CCDC158: variants seen among roughly 807,000 people sequenced by gnomAD.
CCDC158 encodes coiled-coil domain-containing protein 158.
In CCDC158, 116 loss-of-function variants were observed where a neutral mutation model predicts 138.6. The observed-to-expected ratio is 0.84, with a 90% CI of 0.72 to 0.98. The LOEUF (loss-of-function observed/expected upper bound fraction) is 0.98, where lower values mean the gene tolerates loss of function less well. Among genes scored for constraint, CCDC158 ranks in the 50% least tolerant of loss-of-function variants. The probability of loss-of-function intolerance (pLI) is 0.00; values close to 1 mark genes in which losing one functional copy is unlikely to be tolerated. For synonymous variants in CCDC158, 436 were observed against 442.4 expected, an observed-to-expected ratio of 0.99 and a Z score of 0.18; for missense variants, 1,265 against 1,306.1, an observed-to-expected ratio of 0.97 and a Z score of 0.48.
chr4:76,388,884 CA>C (rs1202597264), intron 4 of CCDC158, among the ~76,000 whole-genome samples: 1 of 152,058 alleles, frequency 6.6e-6, no homozygotes, highest in African/African-American at 2.4e-5. Flanking sequence ...AGAATTCTTC[CA>C]GATCTTATCC....
At chr4:76,328,371 G>GTATGTGAGAAGA (rs1360616616) in intron 22 of CCDC158, among the ~76,000 whole-genome samples, 2 of 152,268 alleles carry the variant, frequency 1.3e-5, no homozygotes, top group African/African-American at 4.8e-5. Flanking sequence ...GGGTGACACA[G>GTATGTGAGAAGA]TATGTGAGAA....
intron 9 of CCDC158, among the ~76,000 whole-genome samples, chr4:76,371,984 T>G (rs1245465986): frequency 3.3e-5 from 5 of 151,702 alleles, no homozygotes; most frequent in South Asian, 2.1e-4. Context: ...TTGTAAAGTT[T>G]TTTTTTTTTT....
At chr4:76,415,877 C>T (rs1208955517) in intron 1 of CCDC158, among the ~76,000 whole-genome samples, 6 of 152,226 alleles carry the variant, frequency 3.9e-5, no homozygotes, top group South Asian at 2.1e-4. Context: ...CTTAGCAGAC[C>T]GGGAAAGGGA....
chr4:76,396,384 T>G lies in CCDC158; in HGVS notation c.173A>C (p.Glu58Ala). ...TTTTCTAGGAGAATCAAGTTCCACT[T>G]CATATTTAGGGAAAAAAGGAACCTG... ...LTQVPFFPKY[E>A]VELDSPRKII... The change falls in exon 4 of 25, where the codon GAA (glutamate) becomes GCA (alanine). Residue 58 changes from glutamate to alanine, a missense_variant. Glu to Ala is a moderately radical substitution (Grantham distance 107, BLOSUM62 -1). Coordinates refer to ENST00000682701, the MANE Select transcript of CCDC158 (RefSeq NM_001394954.1). 1 of 1,613,982 alleles carries G rather than the reference T, an allele frequency of 6.2e-7. No individual in the cohort carries two copies. Among genetic ancestry groups the G allele is most frequent in the Non-Finnish European group, 8.5e-7 (1 of 1,179,882 alleles).
chr4:76,334,227 C>A, intron 18 of CCDC158, 60 bp from the exon 19 acceptor site: 2 of 1,406,268 alleles, frequency 1.4e-6, no homozygotes, highest in Admixed American at 2.4e-5. Context: ...TATTTCCTAT[C>A]ACAAAATTAA....
chr4:76,389,771 A>C (rs1026104406), intron 4 of CCDC158, among the ~76,000 whole-genome samples: 4 of 152,228 alleles, frequency 2.6e-5, no homozygotes, highest in Admixed American at 2.0e-4. Flanking sequence ...CAGGCTTTTC[A>C]GTGGAAACCT....
rs372958633 is a variant in CCDC158 at position 76,369,464 on chromosome 4, C to T, written c.1309G>A (p.Ala437Thr). 6.2e-7 allele frequency: 1 copy of T among 1,614,060 alleles called. No individual in the cohort carries two copies. The highest frequency in any genetic ancestry group is 1.3e-5 in the African/African-American group (1 of 74,936). The change falls in exon 11 of 25, where the codon GCC becomes ACC. Residue 437 changes from alanine (A) to threonine (T), a missense_variant. Ala to Thr is a moderately conservative substitution (Grantham distance 58). Transcript: ENST00000682701. ...TGGCCCTGACACTCGCTCTTCAAGGCCTTGAGCAGGGCTTCCAGGCGCTGC... is the reference window on the plus strand; with the variant it reads ...TGGCCCTGACACTCGCTCTTCAAGGTCTTGAGCAGGGCTTCCAGGCGCTGC... Reference protein sequence around the residue: ...EVQRLEALLKALKSECQGQME... With the variant: ...EVQRLEALLKTLKSECQGQME...
At chr4:76,334,997 T>TCAAGAGGGG (rs1721343130) in intron 18 of CCDC158, among the ~76,000 whole-genome samples, 1 of 152,200 alleles carries the variant, frequency 6.6e-6, no homozygotes. Flanking sequence ...ACTCCACTAA[T>TCAAGAGGGG]AAACCAATAT....
At chr4:76,322,461 G>T (rs1033809698) in intron 24 of CCDC158, among the ~76,000 whole-genome samples, 6 of 152,138 alleles carry the variant, frequency 3.9e-5, no homozygotes, top group Non-Finnish European at 7.3e-5. Flanking sequence ...TGAAGAAAAC[G>T]CAAGTGAAGC....
intron 4 of CCDC158, among the ~76,000 whole-genome samples, chr4:76,391,647 C>T (rs1477550424): frequency 6.7e-6 from 1 of 150,326 alleles, no homozygotes; most frequent in Non-Finnish European, 1.5e-5. Context: ...CAAACTGAAC[C>T]CAAAATTAGT....
Position 76,326,032 on chromosome 4 carries a change from A to T in CCDC158, c.3011-17T>A, listed in dbSNP as rs762992719. 1.9e-6 allele frequency: 3 copies of T among 1,600,346 alleles called. No homozygotes were observed. The African/African-American group carries it at 4.0e-5, about 22-fold the overall frequency. On this transcript the variant is annotated splice_polypyrimidine_tract_variant and intron_variant, in intron 22 of 24. Coordinates refer to ENST00000682701, the MANE Select transcript of CCDC158 (RefSeq NM_001394954.1). ...ATGGACTTGCTAAAAGTTTGCAAGAATAAAAGTAAAAGGACAGAATTAATT... is the reference window on the plus strand; with the variant it reads ...ATGGACTTGCTAAAAGTTTGCAAGATTAAAAGTAAAAGGACAGAATTAATT...
At chr4:76,320,306 G>A (rs1719879422) in intron 24 of CCDC158, among the ~76,000 whole-genome samples, 1 of 152,120 alleles carries the variant, frequency 6.6e-6, no homozygotes, top group Non-Finnish European at 1.5e-5. Flanking sequence ...ACACACAAAT[G>A]GAAACACATT....
intron 24 of CCDC158, among the ~76,000 whole-genome samples, chr4:76,319,471 T>A (rs1484887108): frequency 3.2e-3 from 36 of 11,360 alleles, no homozygotes; most frequent in African/African-American, 6.9e-3. Flanking sequence ...AAAAAATATA[T>A]ATATATATAT....
Position 76,355,360 on chromosome 4 carries a change from T to A in CCDC158, c.2250A>T (p.Ile750=), listed in dbSNP as rs1578953753. ...TTGTCATTGCCTCTTCCAAAAACTG[T>A]ATCTTGCTCTGAAGGGCATCTATCT... ...RGQIDALQSK[I]QFLEEAMTNA... The change falls in exon 15 of 25, where the codon ATA becomes ATT. Residue 750 remains isoleucine, a synonymous_variant. Transcript: ENST00000682701. The A allele has an allele frequency of 6.2e-7, 1 of 1,614,018 alleles. No homozygotes were observed. The highest frequency in any genetic ancestry group is 1.3e-5 in the African/African-American group (1 of 75,026).
intron 8 of CCDC158, among the ~76,000 whole-genome samples, chr4:76,380,745 G>A (rs545622765): frequency 5.9e-5 from 9 of 152,288 alleles, no homozygotes; most frequent in African/African-American, 1.9e-4. Context: ...AAATGTCTCC[G>A]GGGCATGTCA....
intron 1 of CCDC158, among the ~76,000 whole-genome samples, chr4:76,413,526 A>G (rs2109916654): frequency 6.6e-6 from 1 of 152,176 alleles, no homozygotes; most frequent in South Asian, 2.1e-4. Flanking sequence ...CTATGTGCAG[A>G]ATTCAGACTA....
chr4:76,323,490 A>C, intron 23 of CCDC158, 81 bp from the exon 24 acceptor site: 2 of 1,106,880 alleles, frequency 1.8e-6, no homozygotes, highest in South Asian at 1.7e-5. Flanking sequence ...AAGGCTAAAC[A>C]ATTTTTCTTT....
At chr4:76,340,340 C>T (rs1239006632) in intron 18 of CCDC158, among the ~76,000 whole-genome samples, 5 of 152,172 alleles carry the variant, frequency 3.3e-5, no homozygotes, top group Non-Finnish European at 5.9e-5. Flanking sequence ...CCACAAAAGG[C>T]CCCCAAACTG....
chr4:76,360,220 T>A (rs763542860), intron 13 of CCDC158, among the ~76,000 whole-genome samples: 1 of 152,170 alleles, frequency 6.6e-6, no homozygotes, highest in Admixed American at 6.5e-5. Context: ...CCACTTAGAT[T>A]TCAGAGGATA....
Sources: allele counts gnomAD v4.1 joint callset (sites outside exome capture counted in the v4.1 genomes callset), GRCh38; gene constraint gnomAD v4.1.1; transcripts MANE v1.5; gene names NCBI Gene and HGNC (gene_info 2026-07-23, HGNC 2026-07-21).